NFYC: variants seen among roughly 807,000 people sequenced by gnomAD.
NFYC encodes CAAT box DNA-binding protein subunit C.
Under a neutral mutation model 53.1 loss-of-function variants are expected in NFYC, and 25 were observed. The ratio of observed to expected loss-of-function variants is 0.47; its 90% CI spans 0.34 to 0.66. The LOEUF (loss-of-function observed/expected upper bound fraction) is 0.66, where lower values mean the gene tolerates loss of function less well. NFYC is among the 30% of genes least tolerant of loss of function. The probability of loss-of-function intolerance (pLI) is 0.01; values close to 1 mark genes in which losing one functional copy is unlikely to be tolerated. For missense variants in NFYC, 260 were observed against 422.7 expected (o/e 0.62, Z 3.38); for synonymous variants, 145 against 152.6 (o/e 0.95, Z 0.37).
intron 1 of NFYC, among the ~76,000 whole-genome samples, chr1:40,707,932 G>T (rs939284901): frequency 6.6e-6 from 1 of 151,724 alleles, no homozygotes; most frequent in South Asian, 2.1e-4. Context: ...AAATAAATCA[G>T]TTAGTCCATC....
At chr1:40,751,923 C>G (rs1209241305) in intron 4 of NFYC, among the ~76,000 whole-genome samples, 2 of 152,162 alleles carry the variant, frequency 1.3e-5, no homozygotes, top group Admixed American at 1.3e-4. Context: ...GGTTTATCGT[C>G]AAGCTCGTGG....
intron 1 of NFYC, among the ~76,000 whole-genome samples, chr1:40,724,581 G>C (rs1255526379): frequency 6.6e-6 from 1 of 152,154 alleles, no homozygotes; most frequent in Non-Finnish European, 1.5e-5. Context: ...GTTTAAGTTT[G>C]AGCATTGAAA....
At chr1:40,718,903 T>C (rs569927750) in intron 1 of NFYC, among the ~76,000 whole-genome samples, 1 of 152,298 alleles carries the variant, frequency 6.6e-6, no homozygotes, top group South Asian at 2.1e-4. Context: ...GACGGAGTCT[T>C]GCTCTGTCGC....
chr1:40,722,426 A>G (rs976092453), intron 1 of NFYC, among the ~76,000 whole-genome samples: 6 of 152,228 alleles, frequency 3.9e-5, no homozygotes, highest in Non-Finnish European at 7.3e-5. Context: ...CTATTTTAAT[A>G]TGTATTTCCA....
intron 1 of NFYC, among the ~76,000 whole-genome samples, chr1:40,701,759 T>A (rs1473177920): frequency 6.6e-6 from 1 of 152,230 alleles, no homozygotes; most frequent in Non-Finnish European, 1.5e-5. Context: ...AGAGCTTATT[T>A]AGTACAATGG....
intron 5 of NFYC, among the ~76,000 whole-genome samples, chr1:40,755,977 G>A (rs910614311): frequency 2.0e-5 from 3 of 151,878 alleles, no homozygotes; most frequent in Non-Finnish European, 4.4e-5. Context: ...CACAGGTCAC[G>A]GCTAGAAAAT....
Position 40,738,898 on chromosome 1 carries a change from C to T in NFYC, c.55C>T (p.Leu19=), listed in dbSNP as rs777318719. ...TAGCAGCAGTGATGCCCAGCAAAGC[C>T]TACAGTCGTTCTGGCCTCGGGTCAT... ...GTSSSDAQQS[L]QSFWPRVMEE... Residue 19 remains leucine (L), a synonymous_variant, in exon 2 of 10, where the codon CTA becomes TTA. Coordinates refer to ENST00000447388, the MANE Select transcript of NFYC (RefSeq NM_014223.5). 6.2e-7 allele frequency: 1 copy of T among 1,614,078 alleles called. No homozygotes were observed. Among genetic ancestry groups the T allele is most frequent in the Non-Finnish European group, 8.5e-7 (1 of 1,179,972 alleles).
At chr1:40,722,675 G>C (rs4363413) in intron 1 of NFYC, among the ~76,000 whole-genome samples, 1 of 152,128 alleles carries the variant, frequency 6.6e-6, no homozygotes, top group Non-Finnish European at 1.5e-5. Context: ...GTGTGTTTCA[G>C]CTGCTCTGTG....
At chr1:40,739,055 A>G (rs1221611545) in intron 2 of NFYC, 107 bp downstream of exon 2, 1 of 808,762 alleles carries the variant, frequency 1.2e-6, no homozygotes, top group Non-Finnish European at 2.0e-6. Context: ...AAGCACATTT[A>G]CAGAGGCATG....
rs184428136 is a variant in NFYC, at chr1:40,718,586, C to T, written c.-8-20250C>T. Among the ~76,000 whole-genome samples the T allele has an allele frequency of 4.4e-3, 667 of 152,284 alleles. 3 individuals carry two copies. Among genetic ancestry groups the T allele is most frequent in the Admixed American group, 8.4e-3 (129 of 15,294 alleles). ...TTGTTAAAATAGGTGAACACGGTCA[C>T]TTTTTGGAACAAAGCATGGTACAAG... is the stretch of plus-strand genomic sequence containing the variant. On this transcript the variant is annotated intron_variant, in intron 1 of 9. Coordinates refer to ENST00000447388, the MANE Select transcript of NFYC (RefSeq NM_014223.5).
chr1:40,723,690 A>G (rs1384334961), intron 1 of NFYC: 8 of 151,560 alleles, frequency 5.3e-5, no homozygotes, highest in Non-Finnish European at 1.2e-4. Context: ...TTGAGACAGG[A>G]TCTTGCTCTG....
chr1:40,737,127 CAAAAAAA>C (rs1161900883), intron 1 of NFYC, among the ~76,000 whole-genome samples: 1 of 88,808 alleles, frequency 1.1e-5, no homozygotes, highest in Admixed American at 1.3e-4. Context: ...AACTCTGTCT[CAAAAAAA>C]AAAAAAAAAA....
At chr1:40,695,385 T>A (rs998218687) in intron 1 of NFYC, among the ~76,000 whole-genome samples, 1 of 152,246 alleles carries the variant, frequency 6.6e-6, no homozygotes, top group Non-Finnish European at 1.5e-5. Flanking sequence ...AAACCCATTC[T>A]GTGCTATGGA....
intron 4 of NFYC, among the ~76,000 whole-genome samples, chr1:40,750,151 CT>C (rs569827649): frequency 4.7e-5 from 7 of 148,604 alleles, no homozygotes; most frequent in Admixed American, 1.3e-4. Context: ...TTTTCTTCTT[CT>C]TTTTTTTTTA....
intron 1 of NFYC, among the ~76,000 whole-genome samples, chr1:40,728,574 C>T (rs558268346): frequency 2.7e-4 from 41 of 151,866 alleles, no homozygotes; most frequent in African/African-American, 9.9e-4. Flanking sequence ...CCAGCCTGGG[C>T]GACAGAGTGA....
At chr1:40,734,913 G>C (rs190827938) in intron 1 of NFYC, 1 of 152,194 alleles carries the variant, frequency 6.6e-6, no homozygotes, top group East Asian at 1.9e-4. Context: ...TTTGTCTTTC[G>C]AAGTCAGGAA....
At chr1:40,736,419 T>C (rs1432866224) in intron 1 of NFYC, among the ~76,000 whole-genome samples, 6 of 152,204 alleles carry the variant, frequency 3.9e-5, no homozygotes, top group Non-Finnish European at 8.8e-5. Context: ...CCAGTATGTA[T>C]CCACATGGAG....
In NFYC at chr1:40,752,054, G is replaced by T. The variant is rs191102871; in HGVS notation, c.292-1097G>T. Among the ~76,000 whole-genome samples, 316 of 152,278 alleles carry T rather than the reference G, an allele frequency of 2.1e-3. 3 individuals carry two copies. The highest frequency in any genetic ancestry group is 7.1e-3 in the African/African-American group (296 of 41,554). ...TTTGTCCGATGAGTCACCTTTTAAGGTGTGGTATATAGAGTTTGCTAAGGA... is the reference window on the plus strand; with the variant it reads ...TTTGTCCGATGAGTCACCTTTTAAGTTGTGGTATATAGAGTTTGCTAAGGA... On this transcript the variant is annotated intron_variant, in intron 4 of 9. Coordinates refer to ENST00000447388, the MANE Select transcript of NFYC (RefSeq NM_014223.5).
Position 40,770,720 on chromosome 1 carries a change from G to C in NFYC, c.900G>C (p.Gln300His). The C allele has an allele frequency of 6.2e-7, 1 of 1,614,142 alleles. No homozygotes were observed. Among genetic ancestry groups the C allele is most frequent in the Non-Finnish European group, 8.5e-7 (1 of 1,180,038 alleles). ...SQFTDGQQLY[Q>H]IQQVTMPAGQ... ...TCCACCCCTCGCAGCAGCTCTACCA[G>C]ATCCAGCAAGTCACCATGCCTGCGG... Residue 300 changes from glutamine to histidine, a missense_variant, in exon 10 of 10, where the codon CAG becomes CAC. Transcript: ENST00000447388. This position sits in a 1 kb window ranked among gnomAD's most constrained non-coding sequence, Gnocchi z 5.3.
Sources: gnomAD v4.1 joint callset for allele counts (sites outside exome capture counted in the v4.1 genomes callset) on GRCh38, gnomAD v4.1.1 for gene constraint, Gnocchi (gnomAD v3.1) non-coding constraint, MANE v1.5 for transcripts, NCBI Gene and HGNC (gene_info 2026-07-23, HGNC 2026-07-21) for gene names.